PDE4B: variants seen among roughly 807,000 people sequenced by gnomAD.
PDE4B encodes phosphodiesterase 4B, also known as 3',5'-cyclic-AMP phosphodiesterase 4B.
A neutral mutation model predicts 82.2 loss-of-function variants in PDE4B; 20 were observed. The observed-to-expected ratio is 0.24, with a 90% CI of 0.17 to 0.35. The LOEUF is 0.35. Ranked by LOEUF, PDE4B falls within the 10% of genes least tolerant of loss-of-function variation. PDE4B has a pLI of 1.00. For synonymous variants in PDE4B, 320 were observed against 318.9 expected, an observed-to-expected ratio of 1.00 and a Z score of -0.04; for missense variants, 655 against 907.2, an observed-to-expected ratio of 0.72 and a Z score of 3.57.
chr1:65,933,371 T>G (rs1647944810), intron 3 of PDE4B, among the ~76,000 whole-genome samples: 1 of 151,482 alleles, frequency 6.6e-6, no homozygotes, highest in Admixed American at 6.6e-5. Context: ...AAAATTCTCC[T>G]TCAAAAATAG....
chr1:66,277,128 T>C (rs1655935645), intron 7 of PDE4B, among the ~76,000 whole-genome samples: 3 of 152,062 alleles, frequency 2.0e-5, no homozygotes, highest in South Asian at 2.1e-4. Flanking sequence ...GAACACTGAG[T>C]AGCTGGGGTA....
chr1:66,308,182 A>T (rs1391758499), intron 7 of PDE4B, among the ~76,000 whole-genome samples: 2 of 152,140 alleles, frequency 1.3e-5, no homozygotes, highest in African/African-American at 4.8e-5. Flanking sequence ...TGGGCAGATA[A>T]GGTAGCTGAG....
chr1:66,166,021 A>G (rs887487615), intron 3 of PDE4B, among the ~76,000 whole-genome samples: 4 of 152,214 alleles, frequency 2.6e-5, no homozygotes, highest in African/African-American at 9.6e-5. Flanking sequence ...GTAGTATAGT[A>G]CTGACATAAG....
intron 1 of PDE4B, among the ~76,000 whole-genome samples, chr1:65,794,681 T>A (rs1645611556): frequency 6.6e-6 from 1 of 152,222 alleles, no homozygotes; most frequent in Non-Finnish European, 1.5e-5. Flanking sequence ...GACTGTAATA[T>A]GTTTGCTGGC....
At chr1:66,339,728 C>T (rs1660817026) in intron 8 of PDE4B, among the ~76,000 whole-genome samples, 1 of 152,056 alleles carries the variant, frequency 6.6e-6, no homozygotes. Context: ...AAATGTAGAA[C>T]ACTAGTCTTC....
chr1:66,007,145 TA>T (rs1652194928), intron 3 of PDE4B, among the ~76,000 whole-genome samples: 1 of 151,832 alleles, frequency 6.6e-6, no homozygotes, highest in East Asian at 1.9e-4. Flanking sequence ...AAAAAATATA[TA>T]AAAGTATAAA....
intron 7 of PDE4B, among the ~76,000 whole-genome samples, chr1:66,276,758 G>A (rs149753020): frequency 2.6e-5 from 4 of 152,210 alleles, no homozygotes; most frequent in East Asian, 1.9e-4. Context: ...TAGATCTTAC[G>A]GCCCAGGAAA....
At chr1:66,168,353 A>G (rs1221341093) in intron 3 of PDE4B, among the ~76,000 whole-genome samples, 1 of 152,202 alleles carries the variant, frequency 6.6e-6, no homozygotes, top group African/African-American at 2.4e-5. Context: ...GTGAGAAAAA[A>G]AAAGCAAAAT....
At chr1:65,826,767 C>T (rs900140995) in intron 1 of PDE4B, among the ~76,000 whole-genome samples, 15 of 152,242 alleles carry the variant, frequency 9.9e-5, no homozygotes, top group African/African-American at 2.6e-4. Context: ...GCAATACTTC[C>T]GGAGGAGAAG....
chr1:66,020,475 C>A (rs1329987946), intron 3 of PDE4B, among the ~76,000 whole-genome samples: 1 of 151,674 alleles, frequency 6.6e-6, no homozygotes. Flanking sequence ...TCCCCCCACC[C>A]CATGGACAGG....
chr1:66,052,421 G>A (rs1655079706), intron 3 of PDE4B, among the ~76,000 whole-genome samples: 1 of 152,078 alleles, frequency 6.6e-6, no homozygotes, highest in Non-Finnish European at 1.5e-5. Flanking sequence ...AGACCCTAGA[G>A]ATCGCATCAA....
intron 8 of PDE4B, among the ~76,000 whole-genome samples, chr1:66,343,487 C>T (rs1475347459): frequency 2.0e-5 from 3 of 152,160 alleles, no homozygotes; most frequent in South Asian, 4.1e-4. Flanking sequence ...TTTTCAAAGG[C>T]CATCCTCTTA....
chr1:66,338,815 G>A (rs6683297), intron 8 of PDE4B, among the ~76,000 whole-genome samples: 16,202 of 151,194 alleles, frequency 0.11, 2,104 homozygotes, highest in African/African-American at 0.32. Context: ...TCAGGATATC[G>A]AGACCATCCC....
intron 7 of PDE4B, among the ~76,000 whole-genome samples, chr1:66,269,270 G>T (rs1180362255): frequency 6.6e-6 from 1 of 152,164 alleles, no homozygotes; most frequent in Non-Finnish European, 1.5e-5. Context: ...TAAGAAGTTG[G>T]CATTTAGCAC....
In PDE4B at chr1:65,839,981, G is replaced by T. The variant is rs970446050; in HGVS notation, c.-71+46733G>T. On this transcript the variant is annotated intron_variant, in intron 1 of 16. Transcript: ENST00000341517. The stretch of plus-strand genomic sequence containing the variant: ...TTGCAATTCTAACTGGCATGAGATG[G>T]TATCTCATTGTGGTTTTGATTTGCA... 8.5e-5 allele frequency among the ~76,000 whole-genome samples: 13 copies of T among 152,124 alleles called. No individual in the cohort carries two copies. In the East Asian group the frequency reaches 2.3e-3, roughly 27 times the overall value.
intron 3 of PDE4B, among the ~76,000 whole-genome samples, chr1:66,197,533 C>T (rs4655824): frequency 0.057 from 8,731 of 152,114 alleles, 298 homozygotes; most frequent in African/African-American, 0.081. Context: ...CACAGTTAAA[C>T]CTGTGCTGAA....
intron 3 of PDE4B, among the ~76,000 whole-genome samples, chr1:66,102,652 A>C (rs1570239566): frequency 6.6e-6 from 1 of 152,102 alleles, no homozygotes; most frequent in African/African-American, 2.4e-5. Context: ...TATTTATTTA[A>C]TACAGGAAAC....
chr1:66,178,914 C>T (rs1038407528), intron 3 of PDE4B, among the ~76,000 whole-genome samples: 1 of 152,082 alleles, frequency 6.6e-6, no homozygotes, highest in South Asian at 2.1e-4. Context: ...TGCAATGGCG[C>T]GATCTCGGCT....
At chr1:66,345,591 G>A (rs972487760) in intron 8 of PDE4B, among the ~76,000 whole-genome samples, 1 of 152,188 alleles carries the variant, frequency 6.6e-6, no homozygotes, top group African/African-American at 2.4e-5. Context: ...GTAGACACAT[G>A]GTAGGCATTA....
Sources: gnomAD v4.1 joint callset for allele counts (sites outside exome capture counted in the v4.1 genomes callset) on GRCh38, gnomAD v4.1.1 for gene constraint, MANE v1.5 for transcripts, NCBI Gene and HGNC (gene_info 2026-07-23, HGNC 2026-07-21) for gene names.